Variants in GABRG3 observed in about 807,000 individuals in gnomAD.
The protein encoded by GABRG3 is gamma-aminobutyric acid type A receptor subunit gamma3.
Under a neutral mutation model 48.8 loss-of-function variants are expected in GABRG3, and 25 were observed. The ratio of observed to expected loss-of-function variants is 0.51; its 90% confidence interval spans 0.37 to 0.72. The LOEUF is 0.72. Ranked by LOEUF, GABRG3 falls within the 30% of genes least tolerant of loss-of-function variation. The pLI is 0.00. For missense variants in GABRG3, 394 were observed against 577.9 expected (o/e 0.68, Z 3.26); for synonymous variants, 227 against 217.6 (o/e 1.04, Z -0.38).
chr15:27,468,591 A>C (rs1190561059), intron 5 of GABRG3, among the ~76,000 whole-genome samples: 2 of 152,168 alleles, frequency 1.3e-5, no homozygotes, highest in Non-Finnish European at 2.9e-5. Flanking sequence ...TTTGCTCATG[A>C]TGTGAAACTA....
chr15:27,473,343 A>C (rs1049809382), intron 5 of GABRG3, among the ~76,000 whole-genome samples: 1 of 152,182 alleles, frequency 6.6e-6, no homozygotes, highest in Non-Finnish European at 1.5e-5. Flanking sequence ...AAAGGGGAGA[A>C]ATACACCTGT....
intron 3 of GABRG3, among the ~76,000 whole-genome samples, chr15:27,156,400 G>T (rs555725170): frequency 3.0e-4 from 45 of 151,538 alleles, no homozygotes; most frequent in African/African-American, 1.1e-3. Flanking sequence ...CTTCTGTTGA[G>T]AATTTTTAAA....
chr15:26,989,884 T>C (rs1345773772), intron 2 of GABRG3, among the ~76,000 whole-genome samples: 5 of 152,218 alleles, frequency 3.3e-5, no homozygotes, highest in Non-Finnish European at 5.9e-5. Flanking sequence ...CATCCAATGT[T>C]TGTCTTTCTG....
chr15:27,192,812 G>T (rs1048999633), intron 3 of GABRG3, among the ~76,000 whole-genome samples: 37 of 152,074 alleles, frequency 2.4e-4, no homozygotes, highest in Admixed American at 1.1e-3. Flanking sequence ...GAGTTTCCAG[G>T]TTTTCTGCTC....
At chr15:27,143,368 CCAT>C (rs2140391204) in intron 3 of GABRG3, among the ~76,000 whole-genome samples, 1 of 152,320 alleles carries the variant, frequency 6.6e-6, no homozygotes, top group Non-Finnish European at 1.5e-5. Flanking sequence ...GTGTGAGCTA[CCAT>C]ATCTGGCTGG....
Position 27,533,163 on chromosome 15 carries a change from A to T in GABRG3, c.*282A>T, listed in dbSNP as rs543717486. ...GGTGTTGTTTCTGAATGGTTTTTGG[A>T]TATTGGAAGCAGCCGCTGATTACCC... On this transcript the variant is annotated 3_prime_UTR_variant, in exon 10 of 10. Coordinates refer to ENST00000615808, the MANE Select transcript of GABRG3 (RefSeq NM_033223.5). The T allele has an allele frequency of 3.9e-4, 137 of 354,434 alleles. No homozygotes were observed. The highest frequency in any genetic ancestry group is 6.1e-4 in the Non-Finnish European group (119 of 193,734). The allele number at this position is 354,434 out of a possible 1,614,324, so 22.0% of individuals were successfully genotyped here. A position where few individuals can be genotyped will look rare whatever the true frequency, so the allele number is the denominator to read the frequency against.
intron 5 of GABRG3, among the ~76,000 whole-genome samples, chr15:27,338,601 C>A (rs1197932804): frequency 2.0e-5 from 3 of 152,084 alleles, no homozygotes; most frequent in Non-Finnish European, 4.4e-5. Flanking sequence ...CGCAGGAGGA[C>A]CATGCTCCTA....
chr15:27,346,128 GAA>G (rs1169663960), intron 5 of GABRG3, among the ~76,000 whole-genome samples: 4 of 148,614 alleles, frequency 2.7e-5, no homozygotes, highest in Non-Finnish European at 4.5e-5. Flanking sequence ...GAAAGAGAAA[GAA>G]AGAAAGAAAA....
chr15:27,130,241 A>G (rs898068386), intron 3 of GABRG3, among the ~76,000 whole-genome samples: 2 of 152,122 alleles, frequency 1.3e-5, no homozygotes, highest in African/African-American at 4.8e-5. Flanking sequence ...GGTGTAAGAT[A>G]AAGTCCCAAC....
intron 5 of GABRG3, among the ~76,000 whole-genome samples, chr15:27,423,062 G>T (rs555727414): frequency 1.3e-5 from 2 of 149,412 alleles, no homozygotes; most frequent in Admixed American, 1.3e-4. Context: ...TTTTATAAAG[G>T]GCTGGCCACA....
intron 6 of GABRG3, among the ~76,000 whole-genome samples, chr15:27,508,921 G>A (rs370323557): frequency 1.0e-3 from 158 of 152,116 alleles, no homozygotes; most frequent in South Asian, 6.2e-4. Context: ...GGGTTTCACC[G>A]TGTTAGCCGG....
intron 3 of GABRG3, among the ~76,000 whole-genome samples, chr15:27,261,686 T>C (rs977787246): frequency 6.6e-6 from 1 of 152,092 alleles, no homozygotes; most frequent in Non-Finnish European, 1.5e-5. Flanking sequence ...GTAAAAACTA[T>C]CCCTTTCCTT....
At chr15:27,079,380 G>A (rs897306783) in intron 3 of GABRG3, among the ~76,000 whole-genome samples, 4 of 152,130 alleles carry the variant, frequency 2.6e-5, no homozygotes, top group African/African-American at 7.2e-5. Context: ...AAGTATAATA[G>A]GATTTAAAGG....
intron 3 of GABRG3, among the ~76,000 whole-genome samples, chr15:27,102,020 AAATG>A: frequency 6.6e-6 from 1 of 152,148 alleles, no homozygotes; most frequent in African/African-American, 2.4e-5. Flanking sequence ...AACCAACTAA[AAATG>A]AAATATAAAA....
chr15:27,379,526 C>G (rs1895700796), intron 5 of GABRG3, among the ~76,000 whole-genome samples: 1 of 152,196 alleles, frequency 6.6e-6, no homozygotes, highest in African/African-American at 2.4e-5. Context: ...GGTCTTCCTT[C>G]CTTCCTGTAG....
chr15:27,403,995 G>A (rs1206418535), intron 5 of GABRG3, among the ~76,000 whole-genome samples: 1 of 151,768 alleles, frequency 6.6e-6, no homozygotes, highest in Non-Finnish European at 1.5e-5. Context: ...GCCGAGGCGG[G>A]TGGATCACGA....
chr15:27,156,875 C>T (rs1898444501), intron 3 of GABRG3, among the ~76,000 whole-genome samples: 1 of 152,124 alleles, frequency 6.6e-6, no homozygotes, highest in Non-Finnish European at 1.5e-5. Flanking sequence ...GCTTATTTGC[C>T]ACCACTGATT....
intron 5 of GABRG3, among the ~76,000 whole-genome samples, chr15:27,391,083 A>G (rs533031510): frequency 2.0e-5 from 3 of 151,498 alleles, no homozygotes; most frequent in African/African-American, 2.4e-5. Context: ...TGGAGACTCC[A>G]TCTCAAAAAA....
intron 3 of GABRG3, among the ~76,000 whole-genome samples, chr15:27,188,181 G>T (rs1188371002): frequency 1.3e-5 from 2 of 152,078 alleles, no homozygotes; most frequent in African/African-American, 4.8e-5. Flanking sequence ...AGTGCTGCAA[G>T]AAACATACGT....
Sources: gnomAD v4.1 joint callset for allele counts (sites outside exome capture counted in the v4.1 genomes callset) on GRCh38, gnomAD v4.1.1 for gene constraint, MANE v1.5 for transcripts, NCBI Gene and HGNC (gene_info 2026-07-23, HGNC 2026-07-21) for gene names.